SHROOM2: variants seen among roughly 807,000 people sequenced by gnomAD.
SHROOM2 encodes protein Shroom2.
SHROOM2 carries 33 observed loss-of-function variants against 75.9 expected under a neutral mutation model. That is an observed-to-expected ratio of 0.43 (90% CI 0.33 to 0.58). The LOEUF (loss-of-function observed/expected upper bound fraction) is 0.58, where lower values mean the gene tolerates loss of function less well. SHROOM2 is among the 20% of genes least tolerant of loss of function. The pLI, the probability that SHROOM2 is intolerant of heterozygous loss-of-function variation, is 0.04. For missense variants in SHROOM2, 1,434 were observed against 1,461.2 expected, an observed-to-expected ratio of 0.98 and a Z score of 0.30; for synonymous variants, 655 against 663.6, an observed-to-expected ratio of 0.99 and a Z score of 0.20.
At chrX:9,797,635 C>T (rs2083702233) in intron 1 of SHROOM2, among the ~76,000 whole-genome samples, 1 of 112,276 alleles carries the variant, frequency 8.9e-6, no homozygotes, top group Non-Finnish European at 1.9e-5. Flanking sequence ...GGCGTCTTTC[C>T]ACCTCCTTAC....
chrX:9,881,113 A>C (rs185397830), intron 2 of SHROOM2, among the ~76,000 whole-genome samples: 1,188 of 111,130 alleles, frequency 0.011, 23 homozygotes, highest in African/African-American at 0.037. Flanking sequence ...TAACTCGAGT[A>C]GTTCCGACGT....
chrX:9,799,457 C>T (rs990017130), intron 1 of SHROOM2, among the ~76,000 whole-genome samples: 23 of 110,992 alleles, frequency 2.1e-4, no homozygotes, highest in African/African-American at 5.9e-4. Context: ...TGAGCCACCA[C>T]GCCTGGCCTG....
chrX:9,787,713 T>G (rs1186686221), intron 1 of SHROOM2, among the ~76,000 whole-genome samples: 2 of 112,508 alleles, frequency 1.8e-5, no homozygotes, highest in African/African-American at 6.5e-5. Flanking sequence ...AAATAGCAAA[T>G]GAGACACCAG....
intron 7 of SHROOM2, among the ~76,000 whole-genome samples, chrX:9,938,516 G>A (rs913607685): frequency 8.9e-6 from 1 of 112,015 alleles, no homozygotes; most frequent in African/African-American, 3.2e-5. Flanking sequence ...TGGTGCCACT[G>A]CACTCCAGTG....
At position 9,912,224 on chromosome X, in the gene SHROOM2, CACACACACACACACACACACACACACAT is replaced by C. The variant is rs760662662; in HGVS notation, c.2891+13936_2891+13963del. 1.3e-3 allele frequency among the ~76,000 whole-genome samples: 76 copies of C among 58,849 alleles called. 1 individual carries two copies. In the East Asian group the frequency reaches 0.021, roughly 16 times the overall value. The allele number at this position is 58,849 out of a possible 115,157, so 51.1% of individuals were successfully genotyped here. On this transcript the variant is annotated intron_variant, in intron 5 of 9. Coordinates refer to ENST00000380913, the MANE Select transcript of SHROOM2 (RefSeq NM_001649.4). The stretch of plus-strand genomic sequence containing the variant: ...ACACACACACACACACACACACACA[CACACACACACACACACACACACACACAT>C]AAAGGAAGACTGCCCCCCAAGCCTT...
chrX:9,946,055 G>A (rs908974646), intron 9 of SHROOM2, among the ~76,000 whole-genome samples: 2 of 112,964 alleles, frequency 1.8e-5, no homozygotes, highest in Non-Finnish European at 3.7e-5. Flanking sequence ...CGAGTGCTTA[G>A]TAACTGTGTC....
intron 1 of SHROOM2, among the ~76,000 whole-genome samples, chrX:9,808,659 C>T (rs892966997): frequency 9.0e-6 from 1 of 110,586 alleles, no homozygotes; most frequent in Non-Finnish European, 1.9e-5. Context: ...GTCAGGAGTT[C>T]GAGACCAGCC....
At chrX:9,852,966 G>A (rs954126855) in intron 1 of SHROOM2, among the ~76,000 whole-genome samples, 1 of 111,565 alleles carries the variant, frequency 9.0e-6, no homozygotes, top group Non-Finnish European at 1.9e-5. Context: ...TGCATTCTCC[G>A]GTATGCAGTG....
intron 1 of SHROOM2, among the ~76,000 whole-genome samples, chrX:9,848,542 TTCTAAGTA>T (rs1253212800): frequency 1.0e-4 from 10 of 96,705 alleles, no homozygotes; most frequent in Middle Eastern, 5.3e-3. Flanking sequence ...GAAAAGCATG[TTCTAAGTA>T]TCTAAGTATT....
chrX:9,801,542 A>G (rs1384436030), intron 1 of SHROOM2, among the ~76,000 whole-genome samples: 1 of 112,563 alleles, frequency 8.9e-6, no homozygotes, highest in Non-Finnish European at 1.9e-5. Flanking sequence ...ATTAAAATAT[A>G]CACTGGATTT....
rs775435312 is a variant in SHROOM2 at position 9,932,789 on chromosome X, C to T, written c.3506C>T (p.Ser1169Leu). The change falls in exon 6 of 10, where the codon TCG becomes TTG. Residue 1169 changes from serine to leucine, a missense_variant. Physicochemically the swap from Ser to Leu is moderately radical, Grantham distance 145. Around this residue, in one of 3 missense-constraint regions of SHROOM2, gnomAD observed 1,340 missense variants for 1,338.3 expected, o/e 1.00. Coordinates refer to ENST00000380913, the MANE Select transcript of SHROOM2 (RefSeq NM_001649.4). ...CTGCAGACGGCCACCATGGAGACCT[C>T]GCGCTCCCCCTCGCCCCAGTTCGCC... The part of the protein sequence containing the change: ...LRLQTATMET[S>L]RSPSPQFAPQ... The T allele has an allele frequency of 1.2e-5, 14 of 1,209,341 alleles. No homozygotes were observed. Among genetic ancestry groups the T allele is most frequent in the Admixed American group, 2.2e-5 (1 of 46,053 alleles).
chrX:9,943,869 T>C (rs2084793355), intron 8 of SHROOM2, among the ~76,000 whole-genome samples: 1 of 111,913 alleles, frequency 8.9e-6, no homozygotes, highest in Non-Finnish European at 1.9e-5. Context: ...TTCTTTTTTT[T>C]TCTCTTTAGC....
intron 1 of SHROOM2, among the ~76,000 whole-genome samples, chrX:9,866,046 C>G (rs1321295925): frequency 9.3e-6 from 1 of 107,988 alleles, no homozygotes; most frequent in African/African-American, 3.4e-5. Context: ...CAACTCCCTT[C>G]CCTGCCCTGG....
At chrX:9,790,403 T>C (rs1385761847) in intron 1 of SHROOM2, among the ~76,000 whole-genome samples, 7 of 111,861 alleles carry the variant, frequency 6.3e-5, no homozygotes, top group African/African-American at 2.3e-4. Context: ...GTAAAGGTTT[T>C]GAAAAAGAGG....
At chrX:9,808,147 C>T (rs2146736762) in intron 1 of SHROOM2, among the ~76,000 whole-genome samples, 1 of 111,719 alleles carries the variant, frequency 9.0e-6, no homozygotes, top group South Asian at 3.8e-4. Flanking sequence ...TACGGTAGTA[C>T]TTCACCCTCT....
chrX:9,929,409 C>A, intron 5 of SHROOM2, among the ~76,000 whole-genome samples: 1 of 111,688 alleles, frequency 9.0e-6, no homozygotes, highest in East Asian at 2.8e-4. Context: ...ACACACCACT[C>A]CCCTGAGAAC....
chrX:9,910,049 G>A (rs2084413772), intron 5 of SHROOM2, among the ~76,000 whole-genome samples: 1 of 110,047 alleles, frequency 9.1e-6, no homozygotes, highest in African/African-American at 3.3e-5. Context: ...CCTCCCAGAG[G>A]CCCCACCTCC....
At chrX:9,813,298 A>G (rs2083801723) in intron 1 of SHROOM2, among the ~76,000 whole-genome samples, 1 of 111,008 alleles carries the variant, frequency 9.0e-6, no homozygotes. Flanking sequence ...TGACCACAGG[A>G]TGAGTCTGGG....
At chrX:9,825,271 G>A (rs1164582775) in intron 1 of SHROOM2, among the ~76,000 whole-genome samples, 1 of 112,462 alleles carries the variant, frequency 8.9e-6, no homozygotes, top group Non-Finnish European at 1.9e-5. Context: ...TTTCCAGCCA[G>A]CTTCCTGCAC....
Sources: gnomAD v4.1 joint callset for allele counts (sites outside exome capture counted in the v4.1 genomes callset) on GRCh38, gnomAD v4.1.1 for gene constraint, gnomAD v4.1.1 regional missense constraint, MANE v1.5 for transcripts, NCBI Gene and HGNC (gene_info 2026-07-23, HGNC 2026-07-21) for gene names.